MARCHF5: variants seen among roughly 807,000 people sequenced by gnomAD.
MARCHF5 encodes membrane associated ring-CH-type finger 5.
MARCHF5 carries 5 observed loss-of-function variants against 36.5 expected under a neutral mutation model. The observed-to-expected ratio is 0.14, with a 90% confidence interval of 0.07 to 0.29. MARCHF5 has a LOEUF of 0.29. Ranked by LOEUF, MARCHF5 falls within the 10% of genes least tolerant of loss-of-function variation. The probability of loss-of-function intolerance (pLI) is 1.00; values close to 1 mark genes in which losing one functional copy is unlikely to be tolerated. For synonymous variants in MARCHF5, 103 were observed against 109.9 expected, an observed-to-expected ratio of 0.94 and a Z score of 0.39; for missense variants, 179 against 336.3, an observed-to-expected ratio of 0.53 and a Z score of 3.66.
At chr10:92,296,051 T>C (rs563440048) in intron 1 of MARCHF5, among the ~76,000 whole-genome samples, 3 of 151,944 alleles carry the variant, frequency 2.0e-5, no homozygotes, top group Middle Eastern at 3.4e-3. Flanking sequence ...AATTTTGTAT[T>C]TTTAGTAGAG....
intron 3 of MARCHF5, among the ~76,000 whole-genome samples, chr10:92,346,492 C>CTTTTTTT (rs763991703): frequency 3.6e-4 from 32 of 88,280 alleles, no homozygotes; most frequent in Middle Eastern, 9.4e-3. Context: ...CTATTTCCTT[C>CTTTTTTT]TTTTTTTTTT....
intron 3 of MARCHF5, among the ~76,000 whole-genome samples, chr10:92,342,949 A>C (rs540364157): frequency 3.3e-5 from 5 of 152,234 alleles, no homozygotes; most frequent in Non-Finnish European, 5.9e-5. Context: ...GGTGAGACAG[A>C]GTATTATGAG....
At chr10:92,331,900 CATAT>C (rs1305365323) in intron 2 of MARCHF5, among the ~76,000 whole-genome samples, 1 of 144,036 alleles carries the variant, frequency 6.9e-6, no homozygotes, top group African/African-American at 2.6e-5. Flanking sequence ...TATATATAAT[CATAT>C]ATATGTATAT....
At chr10:92,331,880 C>T (rs1564950966) in intron 2 of MARCHF5, among the ~76,000 whole-genome samples, 1 of 36,168 alleles carries the variant, frequency 2.8e-5, no homozygotes, top group Non-Finnish European at 7.3e-5. Context: ...TATATATAAT[C>T]ATATATATGT....
At position 92,311,121 on chromosome 10, in the gene MARCHF5, CT is replaced by C. The variant is rs142934556; in HGVS notation, c.36-10del. The stretch of plus-strand genomic sequence containing the variant: ...AAAGATATAAATGTCATCCTTTTCT[CT>C]TTTAATTTACAGAAGTTGCTGGGTT... On this transcript the variant is annotated splice_polypyrimidine_tract_variant and intron_variant, in intron 1 of 5. Transcript: ENST00000358935. 4 of 1,609,502 alleles carry C rather than the reference CT, an allele frequency of 2.5e-6. No individual in the cohort carries two copies. The Admixed American group carries it at 6.7e-5, about 27-fold the overall frequency.
intron 1 of MARCHF5, among the ~76,000 whole-genome samples, chr10:92,293,652 G>A (rs1285548422): frequency 1.3e-5 from 2 of 149,358 alleles, no homozygotes; most frequent in Non-Finnish European, 3.0e-5. Flanking sequence ...GCGTAGTGGC[G>A]TGGGCCTGTA....
intron 1 of MARCHF5, among the ~76,000 whole-genome samples, chr10:92,305,491 A>G (rs1843064880): frequency 6.6e-6 from 1 of 152,104 alleles, no homozygotes; most frequent in Non-Finnish European, 1.5e-5. Flanking sequence ...AACTTTCGGG[A>G]TCATGATCAC....
chr10:92,329,932 G>T (rs1188683079), intron 2 of MARCHF5, among the ~76,000 whole-genome samples: 1 of 152,088 alleles, frequency 6.6e-6, no homozygotes, highest in African/African-American at 2.4e-5. Flanking sequence ...TGTAACCTCC[G>T]CCTCCCGGGT....
intron 3 of MARCHF5, among the ~76,000 whole-genome samples, chr10:92,347,523 T>TAGATAGATGGATGATAGATA (rs58664499): frequency 1.2e-5 from 1 of 86,876 alleles, no homozygotes; most frequent in Admixed American, 1.2e-4. Context: ...GATAGATAGA[T>TAGATAGATGGATGATAGATA]GATAGATATA....
Position 92,351,101 on chromosome 10 carries a change from C to T in MARCHF5, c.731C>T (p.Ala244Val), listed in dbSNP as rs562101677. 1.2e-5 allele frequency: 19 copies of T among 1,600,188 alleles called. No individual in the cohort carries two copies. Among genetic ancestry groups the T allele is most frequent in the South Asian group, 2.2e-5 (2 of 89,632 alleles). ...NLQRTILGGI[A>V]FVAIKGAFKV... ...TCCTTTTTATTTTAGGGTGGAATTG[C>T]GTTTGTTGCCATAAAAGGAGCATTT... The change falls in exon 6 of 6, where the codon GCG becomes GTG. Residue 244 changes from alanine to valine, a missense_variant. Ala to Val is a moderately conservative substitution (Grantham distance 64, BLOSUM62 0). Transcript: ENST00000358935.
Position 92,349,746 on chromosome 10 carries a change from T to C in MARCHF5, c.629T>C (p.Leu210Ser). The change falls in exon 5 of 6, where the codon TTG (leucine) becomes TCG (serine). Residue 210 changes from leucine to serine, a missense_variant. Physicochemically the swap from Leu to Ser is moderately radical, Grantham distance 145 (BLOSUM62 -2). Coordinates refer to ENST00000358935, the MANE Select transcript of MARCHF5 (RefSeq NM_017824.5). ...LADHVSATRILCGALVFPTIA... is the reference protein window; with the variant it reads ...LADHVSATRISCGALVFPTIA... ...GATCATGTCTCTGCTACTCGAATCTTGTGTGGAGCCCTTGTCTTTCCTACT... is the reference window on the plus strand; with the variant it reads ...GATCATGTCTCTGCTACTCGAATCTCGTGTGGAGCCCTTGTCTTTCCTACT... 6.2e-7 allele frequency: 1 copy of C among 1,614,140 alleles called. No homozygotes were observed. Among genetic ancestry groups the C allele is most frequent in the East Asian group, 2.2e-5 (1 of 44,886 alleles).
rs1842989121 is a variant in MARCHF5 at position 92,299,605 on chromosome 10, TTATA to T, written c.35+8077_35+8080del. Among the ~76,000 whole-genome samples, 7 of 152,210 alleles carry T rather than the reference TTATA, an allele frequency of 4.6e-5. 1 individual carries two copies. The highest frequency in any genetic ancestry group is 4.6e-4 in the Admixed American group (7 of 15,278). On this transcript the variant is annotated intron_variant, in intron 1 of 5. Transcript: ENST00000358935. ...TTTCAATAGAACCTTGTTGCATTTA[TTATA>T]GTGTATCACATTGTACTGTAAATTT...
Position 92,305,209 on chromosome 10 carries a change from C to G in MARCHF5, c.36-5926C>G, listed in dbSNP as rs758758092. Among the ~76,000 whole-genome samples the G allele has an allele frequency of 9.2e-4, 140 of 152,042 alleles. 2 individuals carry two copies. The highest frequency in any genetic ancestry group is 1.6e-3 in the Non-Finnish European group (110 of 68,020). ...AGATCACAAGGTCAGGAGATGGAGA[C>G]CATCCTGGCTAACAAGTGAAACCCC... On this transcript the variant is annotated intron_variant, in intron 1 of 5. Transcript: ENST00000358935.
chr10:92,330,269 A>T (rs960765253), intron 2 of MARCHF5, among the ~76,000 whole-genome samples: 3 of 152,182 alleles, frequency 2.0e-5, no homozygotes, highest in Non-Finnish European at 4.4e-5. Flanking sequence ...CTAAGTCTTA[A>T]AAGTAGATTA....
chr10:92,312,996 G>A (rs1425204414), intron 2 of MARCHF5, among the ~76,000 whole-genome samples: 1 of 152,250 alleles, frequency 6.6e-6, no homozygotes, highest in Non-Finnish European at 1.5e-5. Context: ...AGCACTTTGG[G>A]AGGCAGAGGC....
chr10:92,335,905 T>C (rs1201429417), intron 2 of MARCHF5, among the ~76,000 whole-genome samples: 1 of 152,252 alleles, frequency 6.6e-6, no homozygotes, highest in Non-Finnish European at 1.5e-5. Flanking sequence ...GGAATTATAT[T>C]GCTTTACTCC....
In MARCHF5 at chr10:92,343,673, G is replaced by A. The variant is rs150203283; in HGVS notation, c.369+2870G>A. Among the ~76,000 whole-genome samples the A allele has an allele frequency of 6.7e-3, 1,025 of 152,306 alleles. 10 individuals carry two copies. The highest frequency in any genetic ancestry group is 0.024 in the African/African-American group (978 of 41,568). Reference sequence around the variant, plus strand: ...CAACCTCCGCTTTCCGGGTTCAAGCGATTCTCCTGCCTCAGCCTCCCGAGT... The same window carrying A: ...CAACCTCCGCTTTCCGGGTTCAAGCAATTCTCCTGCCTCAGCCTCCCGAGT... On this transcript the variant is annotated intron_variant, in intron 3 of 5. Coordinates refer to ENST00000358935, the MANE Select transcript of MARCHF5 (RefSeq NM_017824.5).
intron 1 of MARCHF5, among the ~76,000 whole-genome samples, chr10:92,310,719 T>C (rs1271231571): frequency 6.6e-6 from 1 of 152,228 alleles, no homozygotes; most frequent in African/African-American, 2.4e-5. Flanking sequence ...ACTTTGTTTT[T>C]CCAAGTTCAA....
intron 2 of MARCHF5, among the ~76,000 whole-genome samples, chr10:92,336,828 G>A (rs548499011): frequency 3.9e-5 from 6 of 152,232 alleles, no homozygotes; most frequent in South Asian, 2.1e-4. Context: ...AAAGAAAAAC[G>A]AGAGATGTTC....
Sources: allele counts gnomAD v4.1 joint callset (sites outside exome capture counted in the v4.1 genomes callset), GRCh38; gene constraint gnomAD v4.1.1; transcripts MANE v1.5; gene names NCBI Gene and HGNC (gene_info 2026-07-23, HGNC 2026-07-21).